The following GRIP1 variants were observed in gnomAD, a reference collection of about 807,000 sequenced individuals.
The protein encoded by GRIP1 is glutamate receptor-interacting protein 1.
In GRIP1, 45 loss-of-function variants were observed where a neutral mutation model predicts 129.9. The observed-to-expected ratio is 0.35, with a 90% CI of 0.27 to 0.44. The LOEUF is 0.44. Ranked by LOEUF, GRIP1 falls within the 20% of genes least tolerant of loss-of-function variation. GRIP1 has a pLI of 1.00. For synonymous variants in GRIP1, 530 were observed against 520.8 expected, an observed-to-expected ratio of 1.02 and a Z score of -0.24; for missense variants, 1,196 against 1,396.8, an observed-to-expected ratio of 0.86 and a Z score of 2.29.
intron 1 of GRIP1, among the ~76,000 whole-genome samples, chr12:66,707,587 C>G (rs2035578238): frequency 6.6e-6 from 1 of 150,770 alleles, no homozygotes; most frequent in African/African-American, 2.4e-5. Context: ...TCTCTCCTAG[C>G]ACTTCAAGTA....
intron 7 of GRIP1, among the ~76,000 whole-genome samples, chr12:66,475,920 C>G (rs143836821): frequency 6.6e-6 from 1 of 150,886 alleles, no homozygotes; most frequent in East Asian, 1.9e-4. Context: ...TAAAATGACA[C>G]GCTAAAATGT....
intron 1 of GRIP1, among the ~76,000 whole-genome samples, chr12:66,619,367 G>A (rs2065172920): frequency 6.6e-6 from 1 of 152,108 alleles, no homozygotes; most frequent in Non-Finnish European, 1.5e-5. Context: ...AGGGCCTAAT[G>A]AGTATTCTAG....
intron 1 of GRIP1, among the ~76,000 whole-genome samples, chr12:66,781,968 T>TTA (rs1240938577): frequency 6.6e-6 from 1 of 152,194 alleles, no homozygotes; most frequent in Non-Finnish European, 1.5e-5. Context: ...ATGATTTCAT[T>TTA]TATATAAACT....
intron 1 of GRIP1, among the ~76,000 whole-genome samples, chr12:66,843,465 A>G (rs2039756954): frequency 6.6e-6 from 1 of 152,136 alleles, no homozygotes; most frequent in African/African-American, 2.4e-5. Flanking sequence ...TTCTGCAGAA[A>G]GCACTGTTGA....
chr12:66,897,546 T>C (rs2040770358), intron 1 of GRIP1, among the ~76,000 whole-genome samples: 1 of 152,182 alleles, frequency 6.6e-6, no homozygotes, highest in Non-Finnish European at 1.5e-5. Context: ...GAACATATGC[T>C]TCAAAGACCA....
intron 1 of GRIP1, among the ~76,000 whole-genome samples, chr12:67,064,291 G>A (rs982706190): frequency 3.9e-5 from 6 of 152,160 alleles, no homozygotes; most frequent in African/African-American, 4.8e-5. Context: ...AATTTTGTCC[G>A]AAAGGGAAAG....
At chr12:66,441,124 T>C (rs1565740274) in intron 13 of GRIP1, among the ~76,000 whole-genome samples, 1 of 152,204 alleles carries the variant, frequency 6.6e-6, no homozygotes, top group Non-Finnish European at 1.5e-5. Context: ...TCAGATCAAT[T>C]CATACTATGG....
At chr12:66,574,765 G>A (rs1474503139) in intron 2 of GRIP1, among the ~76,000 whole-genome samples, 2 of 148,918 alleles carry the variant, frequency 1.3e-5, no homozygotes, top group Non-Finnish European at 3.0e-5. Flanking sequence ...GCTGACTGAA[G>A]GAACTCTCTG....
At chr12:67,063,008 T>C (rs573500899) in intron 1 of GRIP1, among the ~76,000 whole-genome samples, 21 of 152,346 alleles carry the variant, frequency 1.4e-4, no homozygotes, top group South Asian at 4.1e-4. Context: ...TTGCCATTAC[T>C]GAACTCCAAA....
At chr12:67,020,032 T>C (rs1161984160) in intron 1 of GRIP1, among the ~76,000 whole-genome samples, 2 of 152,176 alleles carry the variant, frequency 1.3e-5, no homozygotes, top group Non-Finnish European at 2.9e-5. Flanking sequence ...GTAATCAAAA[T>C]ATGAACCCCT....
intron 1 of GRIP1, among the ~76,000 whole-genome samples, chr12:66,973,921 T>TTTTC (rs2137587300): frequency 7.2e-6 from 1 of 138,842 alleles, no homozygotes; most frequent in African/African-American, 2.9e-5. Context: ...TTTCTTTTCT[T>TTTTC]TTTTTTTTTT....
intron 13 of GRIP1, among the ~76,000 whole-genome samples, chr12:66,433,235 T>C (rs566581433): frequency 1.3e-4 from 20 of 152,076 alleles, no homozygotes; most frequent in African/African-American, 4.8e-4. Context: ...ATTAAAGAGG[T>C]AGAATCAGGA....
At chr12:66,980,772 C>G (rs1423782538) in intron 1 of GRIP1, among the ~76,000 whole-genome samples, 1 of 152,152 alleles carries the variant, frequency 6.6e-6, no homozygotes, top group Non-Finnish European at 1.5e-5. Context: ...ATTCCAGAGC[C>G]AGCTTCTTCA....
intron 1 of GRIP1, among the ~76,000 whole-genome samples, chr12:67,009,822 T>C (rs1479406606): frequency 6.6e-6 from 1 of 152,206 alleles, no homozygotes; most frequent in Non-Finnish European, 1.5e-5. Flanking sequence ...TAAGATAGTA[T>C]AAGCTGCATT....
intron 1 of GRIP1, among the ~76,000 whole-genome samples, chr12:66,947,461 T>G (rs1203011237): frequency 5.3e-5 from 8 of 152,182 alleles, no homozygotes; most frequent in Non-Finnish European, 8.8e-5. Flanking sequence ...TCACTGTGAT[T>G]GTTGCTGATT....
intron 1 of GRIP1, chr12:67,069,008 C>A (rs1211298651): frequency 1.2e-5 from 11 of 904,160 alleles, no homozygotes; most frequent in Non-Finnish European, 1.5e-5. Flanking sequence ...GGCCCCGGCC[C>A]GGACCCCTGC....
chr12:66,473,194 G>A (rs998862424), intron 7 of GRIP1, among the ~76,000 whole-genome samples: 2 of 152,146 alleles, frequency 1.3e-5, no homozygotes, highest in African/African-American at 2.4e-5. Context: ...CCCTCACAGT[G>A]TAAACAAAGC....
chr12:66,382,322 C>T (rs145601953), intron 19 of GRIP1, among the ~76,000 whole-genome samples: 1 of 152,128 alleles, frequency 6.6e-6, no homozygotes, highest in African/African-American at 2.4e-5. Context: ...GAGTTCGAGA[C>T]CAGTCTGAGC....
At chr12:66,688,981 C>G (rs2136306972) in intron 1 of GRIP1, among the ~76,000 whole-genome samples, 1 of 152,254 alleles carries the variant, frequency 6.6e-6, no homozygotes, top group South Asian at 2.1e-4. Context: ...AAGCCCCCTG[C>G]AGTCTAGCAA....
Sources: allele counts gnomAD v4.1 joint callset (sites outside exome capture counted in the v4.1 genomes callset), GRCh38; gene constraint gnomAD v4.1.1; transcripts MANE v1.5; gene names NCBI Gene and HGNC (gene_info 2026-07-23, HGNC 2026-07-21).